MYO1E: variants seen among roughly 807,000 people sequenced by gnomAD.
The protein encoded by MYO1E is unconventional myosin-Ie.
Under a neutral mutation model 151.1 loss-of-function variants are expected in MYO1E, and 68 were observed. The ratio of observed to expected loss-of-function variants is 0.45; its 90% CI spans 0.37 to 0.55. The LOEUF is 0.55. MYO1E is among the 20% of genes least tolerant of loss of function. MYO1E has a pLI of 0.00. For synonymous variants in MYO1E, 601 were observed against 501.7 expected, an observed-to-expected ratio of 1.20 and a Z score of -2.64; for missense variants, 1,363 against 1,389.3, an observed-to-expected ratio of 0.98 and a Z score of 0.30.
intron 26 of MYO1E, among the ~76,000 whole-genome samples, chr15:59,140,365 T>G (rs1215063042): frequency 2.0e-5 from 3 of 152,228 alleles, no homozygotes; most frequent in Non-Finnish European, 2.9e-5. Flanking sequence ...ATTAAATATG[T>G]TCATAAAAAG....
At chr15:59,182,830 C>A (rs2079671976) in intron 18 of MYO1E, among the ~76,000 whole-genome samples, 1 of 152,174 alleles carries the variant, frequency 6.6e-6, no homozygotes. Context: ...GTCCCTTACA[C>A]CAGCCAATCT....
intron 1 of MYO1E, among the ~76,000 whole-genome samples, chr15:59,287,896 G>C (rs1033070706): frequency 2.0e-5 from 3 of 152,214 alleles, no homozygotes; most frequent in East Asian, 1.9e-4. Context: ...ATCAGAAAAT[G>C]CGTGAATGAA....
At chr15:59,147,050 G>A (rs1363401293) in intron 26 of MYO1E, among the ~76,000 whole-genome samples, 1 of 152,172 alleles carries the variant, frequency 6.6e-6, no homozygotes, top group African/African-American at 2.4e-5. Context: ...TGCTCTGCAA[G>A]AGAAGTCCTA....
At chr15:59,165,242 C>T (rs576160071) in intron 22 of MYO1E, among the ~76,000 whole-genome samples, 37 of 152,196 alleles carry the variant, frequency 2.4e-4, no homozygotes, top group East Asian at 1.2e-3. Context: ...AATGGCAGTA[C>T]GCGCAAACCA....
At chr15:59,277,559 A>ACAACAACAAC (rs759403515) in intron 1 of MYO1E, among the ~76,000 whole-genome samples, 2 of 147,216 alleles carry the variant, frequency 1.4e-5, no homozygotes, top group African/African-American at 2.5e-5. Context: ...AAAAAAAAAA[A>ACAACAACAAC]AAAAAAAAAA....
intron 10 of MYO1E, 133 bp from the exon 11 acceptor site, chr15:59,214,853 C>T: frequency 1.3e-6 from 1 of 756,722 alleles, no homozygotes; most frequent in South Asian, 1.4e-5. Flanking sequence ...CAAGTGAAGG[C>T]AGGAGACTTG....
chr15:59,208,356 T>C (rs2079854333), intron 14 of MYO1E: 1 of 550,664 alleles, frequency 1.8e-6, no homozygotes, highest in Non-Finnish European at 3.3e-6. Context: ...TCCCAAAAAG[T>C]AGGATGTAGG....
chr15:59,370,170 G>C (rs2080936778), intron 1 of MYO1E, among the ~76,000 whole-genome samples: 1 of 152,172 alleles, frequency 6.6e-6, no homozygotes, highest in South Asian at 2.1e-4. Flanking sequence ...ACCCAAAGAA[G>C]GTAATGTCCT....
intron 4 of MYO1E, among the ~76,000 whole-genome samples, chr15:59,255,567 G>A (rs1175459614): frequency 1.3e-5 from 2 of 151,924 alleles, no homozygotes; most frequent in African/African-American, 4.8e-5. Context: ...GCTAATTTTT[G>A]TAAATAAGCA....
In MYO1E at chr15:59,138,070, C is replaced by T. The variant is rs968939478; in HGVS notation, c.3250+128G>A. The T allele has an allele frequency of 1.0e-5, 12 of 1,145,208 alleles. No homozygotes were observed. The African/African-American group carries it at 1.8e-4, about 17-fold the overall frequency. The allele number at this position is 1,145,208 out of a possible 1,614,324, so 70.9% of individuals were successfully genotyped here. ...TGTCTTGATCAGACTGAGCCTGAGGCCTGACCTGCCTCTACAAATTGCAGT... is the reference window on the plus strand; with the variant it reads ...TGTCTTGATCAGACTGAGCCTGAGGTCTGACCTGCCTCTACAAATTGCAGT... On this transcript the variant is annotated intron_variant, in intron 27 of 27. Coordinates refer to ENST00000288235, the MANE Select transcript of MYO1E (RefSeq NM_004998.4).
rs2079845995 is a variant in MYO1E at position 59,207,503 on chromosome 15, C to T, written c.1530+1178G>A. On this transcript the variant is annotated intron_variant, in intron 14 of 27. Coordinates refer to ENST00000288235, the MANE Select transcript of MYO1E (RefSeq NM_004998.4). ...TGCAAACTGATTATTGTTTCCAATC[C>T]AGTGGATATCTTAACTTATGTAGCT... 2.5e-6 allele frequency: 4 copies of T among 1,613,862 alleles called. No homozygotes were observed. In the African/African-American group the frequency reaches 4.0e-5, roughly 16 times the overall value.
intron 1 of MYO1E, among the ~76,000 whole-genome samples, chr15:59,346,709 TTCAA>T (rs2080796118): frequency 2.7e-5 from 4 of 150,936 alleles, no homozygotes; most frequent in Non-Finnish European, 4.4e-5. Flanking sequence ...AGCCCAGGAG[TTCAA>T]GACCAGCCTG....
intron 1 of MYO1E, among the ~76,000 whole-genome samples, chr15:59,356,838 G>C (rs1249797842): frequency 1.3e-5 from 2 of 151,954 alleles, no homozygotes. Context: ...TAAAGTGCTG[G>C]GATTACAGGC....
intron 6 of MYO1E, among the ~76,000 whole-genome samples, chr15:59,228,143 G>A (rs1192297326): frequency 1.3e-5 from 2 of 152,136 alleles, no homozygotes; most frequent in Non-Finnish European, 2.9e-5. Flanking sequence ...GAACAAAGGA[G>A]AATAAAAACC....
chr15:59,233,529 T>G (rs1233009068), intron 5 of MYO1E, among the ~76,000 whole-genome samples: 1 of 151,902 alleles, frequency 6.6e-6, no homozygotes, highest in African/African-American at 2.4e-5. Flanking sequence ...CTGGGCATAG[T>G]GGTGCACGCC....
chr15:59,139,927 T>TC (rs2079399636), intron 26 of MYO1E, among the ~76,000 whole-genome samples: 1 of 152,012 alleles, frequency 6.6e-6, no homozygotes, highest in Non-Finnish European at 1.5e-5. Context: ...CAGGTCTCCT[T>TC]CCCATTCTTT....
intron 13 of MYO1E, among the ~76,000 whole-genome samples, chr15:59,209,611 G>A (rs911070560): frequency 1.3e-5 from 2 of 151,958 alleles, no homozygotes; most frequent in Non-Finnish European, 2.9e-5. Context: ...GGGAGGTGGA[G>A]GTTACAGTGA....
In MYO1E at chr15:59,272,844, G is replaced by A. The variant is rs138744158; in HGVS notation, c.4-395C>T. Among the ~76,000 whole-genome samples, 156 of 152,328 alleles carry A rather than the reference G, an allele frequency of 1.0e-3. 1 individual carries two copies. The highest frequency in any genetic ancestry group is 3.4e-3 in the Middle Eastern group (1 of 294). Reference sequence around the variant, plus strand: ...GATGAGACTATCCTTCAACCATACTGTTGTGTTGAATTTGTCGGTGAAAAT... The same window carrying A: ...GATGAGACTATCCTTCAACCATACTATTGTGTTGAATTTGTCGGTGAAAAT... On this transcript the variant is annotated intron_variant, in intron 1 of 27. Coordinates refer to ENST00000288235, the MANE Select transcript of MYO1E (RefSeq NM_004998.4).
chr15:59,325,185 G>T (rs1266949349), intron 1 of MYO1E, among the ~76,000 whole-genome samples: 2 of 152,048 alleles, frequency 1.3e-5, no homozygotes, highest in East Asian at 3.9e-4. Context: ...ACAGGCGCCC[G>T]TCACCATGCC....
Sources: allele counts gnomAD v4.1 joint callset (sites outside exome capture counted in the v4.1 genomes callset), GRCh38; gene constraint gnomAD v4.1.1; transcripts MANE v1.5; gene names NCBI Gene and HGNC (gene_info 2026-07-23, HGNC 2026-07-21).